MARCHF1: variants seen among roughly 807,000 people sequenced by gnomAD.
MARCHF1 encodes E3 ubiquitin-protein ligase MARCHF1.
Under a neutral mutation model 54.2 loss-of-function variants are expected in MARCHF1, and 40 were observed. The ratio of observed to expected loss-of-function variants is 0.74; its 90% CI spans 0.57 to 0.96. The LOEUF is 0.96. Among genes scored for constraint, MARCHF1 ranks in the 40% least tolerant of loss-of-function variants. The probability of loss-of-function intolerance (pLI) is 0.00; values close to 1 mark genes in which losing one functional copy is unlikely to be tolerated. For missense variants in MARCHF1, 586 were observed against 656.5 expected (o/e 0.89, Z 1.17); for synonymous variants, 236 against 236.3 (o/e 1.00, Z 0.01).
At chr4:164,342,429 T>C (rs772945779) in intron 1 of MARCHF1, among the ~76,000 whole-genome samples, 1 of 151,784 alleles carries the variant, frequency 6.6e-6, no homozygotes, top group Non-Finnish European at 1.5e-5. Context: ...AAAATAAAAC[T>C]ACACCCATTA....
chr4:163,587,033 T>G (rs1354516282), intron 7 of MARCHF1, among the ~76,000 whole-genome samples: 1 of 152,212 alleles, frequency 6.6e-6, no homozygotes, highest in Non-Finnish European at 1.5e-5. Context: ...ATCCTATTGT[T>G]TAAAAATGCT....
At chr4:163,886,426 T>C (rs1750540688) in intron 3 of MARCHF1, among the ~76,000 whole-genome samples, 1 of 151,776 alleles carries the variant, frequency 6.6e-6, no homozygotes. Context: ...GCAATTGCCT[T>C]AAACTATAAT....
At chr4:163,700,586 A>AAGGAAGGAAGGG (rs2111229733) in intron 5 of MARCHF1, among the ~76,000 whole-genome samples, 1 of 145,656 alleles carries the variant, frequency 6.9e-6, no homozygotes, top group Non-Finnish European at 1.5e-5. Flanking sequence ...GGAAGGAAGG[A>AAGGAAGGAAGGG]AATTATCTCT....
At chr4:164,234,662 T>C (rs1378490210) in intron 1 of MARCHF1, among the ~76,000 whole-genome samples, 1 of 152,170 alleles carries the variant, frequency 6.6e-6, no homozygotes, top group Non-Finnish European at 1.5e-5. Flanking sequence ...TTATGCCCTG[T>C]TATCAGAACT....
chr4:163,665,472 G>A (rs1248345445), intron 5 of MARCHF1, among the ~76,000 whole-genome samples: 1 of 151,970 alleles, frequency 6.6e-6, no homozygotes, highest in Non-Finnish European at 1.5e-5. Flanking sequence ...TGCATTTTTA[G>A]GCATTAAAGA....
chr4:163,715,029 GA>G (rs1309821992), intron 4 of MARCHF1, among the ~76,000 whole-genome samples: 1 of 151,980 alleles, frequency 6.6e-6, no homozygotes, highest in Admixed American at 6.6e-5. Context: ...TATTTTTATA[GA>G]AAAAAGTCAC....
At chr4:163,822,596 AAATT>A (rs1748725330) in intron 4 of MARCHF1, among the ~76,000 whole-genome samples, 3 of 152,060 alleles carry the variant, frequency 2.0e-5, no homozygotes, top group East Asian at 1.9e-4. Context: ...TTTATTTTAA[AAATT>A]AATTTTGTTT....
At chr4:164,367,414 T>C (rs1398870332) in intron 1 of MARCHF1, among the ~76,000 whole-genome samples, 3 of 152,148 alleles carry the variant, frequency 2.0e-5, no homozygotes, top group Non-Finnish European at 2.9e-5. Flanking sequence ...AAAAATCACT[T>C]GAACATCTAT....
At chr4:163,557,696 G>A (rs1193174641) in intron 8 of MARCHF1, among the ~76,000 whole-genome samples, 1 of 151,912 alleles carries the variant, frequency 6.6e-6, no homozygotes, top group African/African-American at 2.4e-5. Context: ...AATAAAAATG[G>A]GTTAGCCTTG....
intron 2 of MARCHF1, among the ~76,000 whole-genome samples, chr4:164,054,273 C>A (rs1167073463): frequency 6.6e-6 from 1 of 151,962 alleles, no homozygotes; most frequent in Non-Finnish European, 1.5e-5. Flanking sequence ...AGTCAGGAAA[C>A]AACAGGTGCT....
chr4:163,693,696 C>T (rs1370682024), intron 5 of MARCHF1, among the ~76,000 whole-genome samples: 1 of 151,938 alleles, frequency 6.6e-6, no homozygotes, highest in Non-Finnish European at 1.5e-5. Context: ...GACTAAAGGC[C>T]TTTGTATGGA....
At chr4:163,769,303 C>A (rs1448642746) in intron 4 of MARCHF1, among the ~76,000 whole-genome samples, 1 of 152,084 alleles carries the variant, frequency 6.6e-6, no homozygotes, top group Non-Finnish European at 1.5e-5. Context: ...ATTTTTATGG[C>A]AATCACTTAG....
At chr4:163,661,978 A>T (rs1209298301) in intron 5 of MARCHF1, among the ~76,000 whole-genome samples, 1 of 152,126 alleles carries the variant, frequency 6.6e-6, no homozygotes, top group Non-Finnish European at 1.5e-5. Flanking sequence ...TTATTTCAAA[A>T]ATGTGAAGTA....
chr4:164,022,767 GGA>G (rs1172290795), intron 2 of MARCHF1, among the ~76,000 whole-genome samples: 1 of 152,228 alleles, frequency 6.6e-6, no homozygotes, highest in South Asian at 2.1e-4. Context: ...AGCTGGTCCA[GGA>G]GAGAGTGAGG....
intron 1 of MARCHF1, among the ~76,000 whole-genome samples, chr4:164,127,706 A>T: frequency 6.6e-6 from 1 of 152,204 alleles, no homozygotes; most frequent in Non-Finnish European, 1.5e-5. Context: ...TTATCAAAAA[A>T]TTATGTGAAG....
chr4:163,600,698 T>TA (rs1326109184), intron 7 of MARCHF1, among the ~76,000 whole-genome samples: 1 of 152,106 alleles, frequency 6.6e-6, no homozygotes, highest in Non-Finnish European at 1.5e-5. Context: ...CTAATTTAGG[T>TA]AAAAGAGTTT....
At chr4:164,246,941 A>C (rs1316458031) in intron 1 of MARCHF1, among the ~76,000 whole-genome samples, 1 of 87,856 alleles carries the variant, frequency 1.1e-5, no homozygotes, top group African/African-American at 4.0e-5. Context: ...GGCAATCATT[A>C]AAAAGTCAGG....
chr4:163,999,246 AC>A (rs1301851539), intron 2 of MARCHF1, among the ~76,000 whole-genome samples: 1 of 151,620 alleles, frequency 6.6e-6, no homozygotes, highest in Non-Finnish European at 1.5e-5. Context: ...AAAAAAACCG[AC>A]AAAAAATGAA....
At chr4:163,858,062 C>T (rs1749816446) in intron 3 of MARCHF1, among the ~76,000 whole-genome samples, 2 of 113,222 alleles carry the variant, frequency 1.8e-5, no homozygotes, top group African/African-American at 3.5e-5. Context: ...ACTCTAAAGG[C>T]TTCTGTCACT....
Sources: allele counts gnomAD v4.1 joint callset (sites outside exome capture counted in the v4.1 genomes callset), GRCh38; gene constraint gnomAD v4.1.1; transcripts MANE v1.5; gene names NCBI Gene and HGNC (gene_info 2026-07-23, HGNC 2026-07-21).